The following MATN2 variants were observed in gnomAD, a reference collection of about 807,000 sequenced individuals.
MATN2 encodes the protein matrilin-2.
Under a neutral mutation model 103.2 loss-of-function variants are expected in MATN2, and 69 were observed. That is an observed-to-expected ratio of 0.67 (90% CI 0.55 to 0.82). MATN2 has a LOEUF of 0.82. Among genes scored for constraint, MATN2 ranks in the 40% least tolerant of loss-of-function variants. The pLI is 0.00. For synonymous variants in MATN2, 429 were observed against 450.2 expected (o/e 0.95, Z 0.60); for missense variants, 1,023 against 1,211.5 (o/e 0.84, Z 2.31).
In MATN2 at chr8:98,018,117, G is replaced by C. The variant is rs1813435388; in HGVS notation, c.1819+1G>C. ...GCTGAGGATGGGAAACGCTGCCGAA[G>C]TAAGTAGCCTCGAGGTGGAGAAGAA... On this transcript the variant is annotated splice_donor_variant, in intron 12 of 18. Coordinates refer to ENST00000254898, the MANE Select transcript of MATN2 (RefSeq NM_002380.5). LOFTEE classifies it high-confidence loss of function. The C allele has an allele frequency of 6.2e-7, 1 of 1,613,560 alleles. No individual in the cohort carries two copies. The highest frequency in any genetic ancestry group is 1.1e-5 in the South Asian group (1 of 91,058).
At chr8:97,965,025 C>T (rs1401379098) in intron 5 of MATN2, among the ~76,000 whole-genome samples, 6 of 152,124 alleles carry the variant, frequency 3.9e-5, no homozygotes, top group South Asian at 4.1e-4. Context: ...TGAGCCACTG[C>T]GCCCGACTGA....
intron 3 of MATN2, among the ~76,000 whole-genome samples, chr8:97,935,177 GC>G (rs1810335036): frequency 6.6e-6 from 1 of 151,900 alleles, no homozygotes; most frequent in Non-Finnish European, 1.5e-5. Context: ...TCTCACATCA[GC>G]CTCCCAAGTA....
At chr8:97,948,790 T>C (rs1410918062) in intron 4 of MATN2, among the ~76,000 whole-genome samples, 1 of 152,214 alleles carries the variant, frequency 6.6e-6, no homozygotes, top group Non-Finnish European at 1.5e-5. Flanking sequence ...AAGAAAAATC[T>C]TGATGACCTC....
At chr8:97,922,013 A>G (rs997597058) in intron 2 of MATN2, among the ~76,000 whole-genome samples, 1 of 152,126 alleles carries the variant, frequency 6.6e-6, no homozygotes, top group Non-Finnish European at 1.5e-5. Context: ...CGCAAACCCT[A>G]TTGTGAATTG....
chr8:97,890,194 T>A (rs538609443), intron 2 of MATN2, among the ~76,000 whole-genome samples: 1 of 152,086 alleles, frequency 6.6e-6, no homozygotes, highest in African/African-American at 2.4e-5. Flanking sequence ...GGGCCGGACA[T>A]GGTGGCTCAC....
intron 7 of MATN2, among the ~76,000 whole-genome samples, chr8:98,001,032 C>G (rs1462931427): frequency 1.3e-5 from 2 of 152,176 alleles, no homozygotes; most frequent in African/African-American, 2.4e-5. Context: ...TGTGTCATAT[C>G]TTTAAGTGAT....
At chr8:97,877,951 G>A (rs1432052656) in intron 1 of MATN2, among the ~76,000 whole-genome samples, 1 of 151,916 alleles carries the variant, frequency 6.6e-6, no homozygotes, top group African/African-American at 2.4e-5. Flanking sequence ...TTTCCATGCA[G>A]TCTCACCCAG....
chr8:97,913,035 G>A (rs543925198), intron 2 of MATN2, among the ~76,000 whole-genome samples: 4 of 152,284 alleles, frequency 2.6e-5, no homozygotes, highest in Admixed American at 1.3e-4. Flanking sequence ...CAGAACTGAC[G>A]TCTGTGCAGC....
intron 2 of MATN2, among the ~76,000 whole-genome samples, chr8:97,913,566 C>T (rs71514971): frequency 0.015 from 2,186 of 148,950 alleles, 31 homozygotes; most frequent in Non-Finnish European, 0.025. Context: ...CTGCCTTCCT[C>T]GGCCTCTCAG....
chr8:98,006,189 A>G (rs1812962450), intron 8 of MATN2, among the ~76,000 whole-genome samples: 1 of 152,248 alleles, frequency 6.6e-6, no homozygotes, highest in Non-Finnish European at 1.5e-5. Context: ...TAGGCCACAC[A>G]TGCAGTCCCA....
chr8:97,906,726 G>C (rs1819181749), intron 2 of MATN2, among the ~76,000 whole-genome samples: 1 of 152,224 alleles, frequency 6.6e-6, no homozygotes, highest in Admixed American at 6.5e-5. Flanking sequence ...TTCAGTTGGA[G>C]TGTTTGGGGG....
intron 4 of MATN2, among the ~76,000 whole-genome samples, chr8:97,958,194 T>A (rs1300212440): frequency 1.3e-5 from 2 of 152,140 alleles, no homozygotes. Flanking sequence ...CAATTATAAA[T>A]AAAAGAATGA....
At chr8:97,903,636 A>C (rs1425153483) in intron 2 of MATN2, among the ~76,000 whole-genome samples, 4 of 152,220 alleles carry the variant, frequency 2.6e-5, no homozygotes, top group Non-Finnish European at 4.4e-5. Context: ...AAGTTGGCAG[A>C]TGCTGCTGTG....
intron 2 of MATN2, among the ~76,000 whole-genome samples, chr8:97,908,173 C>G (rs1586401185): frequency 6.6e-6 from 1 of 152,078 alleles, no homozygotes; most frequent in African/African-American, 2.4e-5. Flanking sequence ...AGGAGAATCG[C>G]TTGAACCCGG....
intron 6 of MATN2, among the ~76,000 whole-genome samples, chr8:97,981,597 A>G (rs1305222721): frequency 6.6e-6 from 1 of 152,216 alleles, no homozygotes; most frequent in Non-Finnish European, 1.5e-5. Flanking sequence ...TGCAGCCAGG[A>G]CCACAGCAGG....
chr8:97,939,916 G>A (rs560587402), intron 3 of MATN2, among the ~76,000 whole-genome samples: 22 of 152,252 alleles, frequency 1.4e-4, no homozygotes, highest in African/African-American at 5.3e-4. Flanking sequence ...TGTGATTAAC[G>A]TTGAGTGAAA....
chr8:97,959,988 C>T (rs574485132), intron 4 of MATN2, among the ~76,000 whole-genome samples: 4 of 152,170 alleles, frequency 2.6e-5, no homozygotes, highest in African/African-American at 9.6e-5. Context: ...CTTGTTCTGT[C>T]GCCCAGGCTG....
At chr8:97,927,817 A>G (rs1206887411) in intron 2 of MATN2, among the ~76,000 whole-genome samples, 1 of 152,196 alleles carries the variant, frequency 6.6e-6, no homozygotes, top group Non-Finnish European at 1.5e-5. Flanking sequence ...TGATGCTTGG[A>G]TAGATATTGA....
chr8:97,873,847 C>T (rs981608458), intron 1 of MATN2, among the ~76,000 whole-genome samples: 1 of 152,032 alleles, frequency 6.6e-6, no homozygotes, highest in Non-Finnish European at 1.5e-5. Flanking sequence ...AGGCTGGTCT[C>T]GAACTCCTGA....
Sources: gnomAD v4.1 joint callset for allele counts (sites outside exome capture counted in the v4.1 genomes callset) on GRCh38, gnomAD v4.1.1 for gene constraint, MANE v1.5 for transcripts, NCBI Gene and HGNC (gene_info 2026-07-23, HGNC 2026-07-21) for gene names.